Variants in WNT7B observed in about 807,000 individuals in gnomAD.
WNT7B encodes Wnt family member 7B.
WNT7B carries 19 observed loss-of-function variants against 38.2 expected under a neutral mutation model. That is an observed-to-expected ratio of 0.50 (90% confidence interval 0.35 to 0.73). The LOEUF is 0.73. Ranked by LOEUF, WNT7B falls within the 30% of genes least tolerant of loss-of-function variation. WNT7B has a pLI of 0.01. For missense variants in WNT7B, 423 were observed against 507.9 expected, an observed-to-expected ratio of 0.83 and a Z score of 1.61; for synonymous variants, 243 against 209.3, an observed-to-expected ratio of 1.16 and a Z score of -1.39.
intron 2 of WNT7B, 65 bp from the exon 3 acceptor site, chr22:45,931,434 A>C: frequency 1.6e-5 from 24 of 1,489,098 alleles, no homozygotes; most frequent in Non-Finnish European, 2.0e-5. Flanking sequence ...CTCAGGGGAC[A>C]GGGTGCCGGG....
intron 2 of WNT7B, among the ~76,000 whole-genome samples, chr22:45,943,034 C>T (rs10448587): frequency 0.23 from 33,850 of 149,508 alleles, 4,095 homozygotes; most frequent in Middle Eastern, 0.32. Flanking sequence ...TATGTGTGTG[C>T]GCGTGTGTGC....
chr22:45,925,358 G>A (rs556553418), intron 3 of WNT7B: 2 of 985,102 alleles, frequency 2.0e-6, no homozygotes, highest in East Asian at 1.1e-4. Flanking sequence ...GAGAGACTGG[G>A]GAGACTGGAG....
chr22:45,956,924 G>A (rs181752879), intron 1 of WNT7B, among the ~76,000 whole-genome samples: 21 of 152,124 alleles, frequency 1.4e-4, no homozygotes, highest in Non-Finnish European at 2.1e-4. Flanking sequence ...TGGCCAACAC[G>A]GTGAAGCCCC....
intron 2 of WNT7B, among the ~76,000 whole-genome samples, chr22:45,934,373 C>A (rs1005740397): frequency 4.6e-5 from 7 of 152,104 alleles, no homozygotes; most frequent in Non-Finnish European, 8.8e-5. Context: ...GGGGGAAAGG[C>A]GCAGCTGTAG....
chr22:45,961,500 G>C (rs1248451554), intron 1 of WNT7B, among the ~76,000 whole-genome samples: 1 of 152,070 alleles, frequency 6.6e-6, no homozygotes, highest in Non-Finnish European at 1.5e-5. Context: ...CCCCTGGCTG[G>C]TCCTTGCCAG....
At chr22:45,935,007 A>G (rs1451107337) in intron 2 of WNT7B, among the ~76,000 whole-genome samples, 1 of 152,128 alleles carries the variant, frequency 6.6e-6, no homozygotes, top group East Asian at 1.9e-4. Context: ...CCGTTACCCC[A>G]TGTTACAGAC....
chr22:45,954,145 G>C (rs189691429), intron 1 of WNT7B, among the ~76,000 whole-genome samples: 21 of 152,326 alleles, frequency 1.4e-4, no homozygotes, highest in African/African-American at 5.1e-4. Context: ...GTTACATGAA[G>C]GAAGCTAGAC....
At chr22:45,928,342 C>T (rs1435572133) in intron 3 of WNT7B, among the ~76,000 whole-genome samples, 1 of 152,224 alleles carries the variant, frequency 6.6e-6, no homozygotes, top group African/African-American at 2.4e-5. Flanking sequence ...GCCGTGATGC[C>T]ACCACCCTCG....
chr22:45,938,655 T>C (rs1601723871), intron 2 of WNT7B, among the ~76,000 whole-genome samples: 2 of 144,974 alleles, frequency 1.4e-5, no homozygotes, highest in African/African-American at 5.1e-5. Context: ...AAAAGAGAGG[T>C]ACAAATACAC....
intron 2 of WNT7B, among the ~76,000 whole-genome samples, chr22:45,939,923 AGAG>A (rs1931604748): frequency 6.6e-6 from 1 of 152,254 alleles, no homozygotes; most frequent in African/African-American, 2.4e-5. Context: ...TGAAATGCCC[AGAG>A]GAGCAGGAGT....
At chr22:45,934,721 C>A (rs76104782) in intron 2 of WNT7B, among the ~76,000 whole-genome samples, 1,913 of 152,342 alleles carry the variant, frequency 0.013, 20 homozygotes, top group Non-Finnish European at 0.021. Context: ...CCTGGCTATG[C>A]CTGCCCCAGG....
rs535938102 is a variant in WNT7B, at chr22:45,927,374, C to T, written c.570+3724G>A. ...AAGTGGGGGCAGGGCGGGGGCGGGC[C>T]TCCAGACTCTGCCCATCTCACTCTT... On this transcript the variant is annotated intron_variant, in intron 3 of 3. Coordinates refer to ENST00000339464, the MANE Select transcript of WNT7B (RefSeq NM_058238.3). 6,146 of 1,499,716 alleles carry T rather than the reference C, an allele frequency of 4.1e-3. 15 individuals carry two copies. Among genetic ancestry groups the T allele is most frequent in the Non-Finnish European group, 5.0e-3 (5,591 of 1,123,152 alleles). The allele number at this position is 1,499,716 out of a possible 1,614,324, so 92.9% of individuals were successfully genotyped here.
At chr22:45,937,589 C>A (rs960342959) in intron 2 of WNT7B, among the ~76,000 whole-genome samples, 12 of 151,468 alleles carry the variant, frequency 7.9e-5, no homozygotes, top group African/African-American at 2.9e-4. Context: ...GTGTCCCTGG[C>A]GTACACCTGG....
In WNT7B at chr22:45,929,699, T is replaced by C. The variant is rs184855709; in HGVS notation, c.570+1399A>G. Among the ~76,000 whole-genome samples the C allele has an allele frequency of 3.7e-4, 51 of 136,960 alleles. 1 individual carries two copies. The highest frequency in any genetic ancestry group is 1.4e-3 in the African/African-American group (51 of 36,810). The allele number at this position is 136,960 out of a possible 152,430, so 89.9% of individuals were successfully genotyped here. On this transcript the variant is annotated intron_variant, in intron 3 of 3. Coordinates refer to ENST00000339464, the MANE Select transcript of WNT7B (RefSeq NM_058238.3). Reference sequence around the variant, plus strand: ...TTCCCTCCATACTTCCATCCACCCATCTTTCCATCCACCCGTGAATCCACT... The same window carrying C: ...TTCCCTCCATACTTCCATCCACCCACCTTTCCATCCACCCGTGAATCCACT...
chr22:45,961,250 G>A (rs897197948), intron 1 of WNT7B, among the ~76,000 whole-genome samples: 17 of 152,286 alleles, frequency 1.1e-4, no homozygotes, highest in Admixed American at 6.5e-4. Context: ...GTGGAGGGGG[G>A]TGGGGCTTGG....
chr22:45,937,611 G>C lies in WNT7B; in HGVS notation c.299-6242C>G, dbSNP rs372710609. ...TGGCGTACACCTGGGCTGACCCTTG[G>C]AGGCAGTGCCCGCCAGCTGCCATGT... On this transcript the variant is annotated intron_variant, in intron 2 of 3. Coordinates refer to ENST00000339464, the MANE Select transcript of WNT7B (RefSeq NM_058238.3). Among the ~76,000 whole-genome samples, 88 of 152,350 alleles carry C rather than the reference G, an allele frequency of 5.8e-4. No homozygotes were observed. The East Asian group carries it at 0.013, about 23-fold the overall frequency.
chr22:45,932,993 G>A (rs1264534178), intron 2 of WNT7B, among the ~76,000 whole-genome samples: 1 of 152,224 alleles, frequency 6.6e-6, no homozygotes, highest in African/African-American at 2.4e-5. Flanking sequence ...CCAACGGCAT[G>A]CCCAGCTTTG....
chr22:45,931,426 C>G, intron 2 of WNT7B, 57 bp from the exon 3 acceptor site: 4 of 1,505,064 alleles, frequency 2.7e-6, no homozygotes, highest in South Asian at 2.6e-5. Context: ...CAGGTGGGCT[C>G]AGGGGACAGG....
rs770631367 is a variant in WNT7B at position 45,950,038 on chromosome 22, A to G, written c.180T>C (p.Ile60=). 2.5e-6 allele frequency: 4 copies of G among 1,613,964 alleles called. No individual in the cohort carries two copies. The South Asian group carries it at 4.4e-5, about 18-fold the overall frequency. The part of the protein sequence containing the change: ...AICQSRPDAI[I]VIGEGAQMGI... ...CCATCTGCGCCCCCTCCCCAATCAC[A>G]ATGATGGCATCGGGCCGACTCTGGC... The change falls in exon 2 of 4, where the codon ATT becomes ATC. Residue 60 remains isoleucine (I), a synonymous_variant. Transcript: ENST00000339464.
Sources: allele counts gnomAD v4.1 joint callset (sites outside exome capture counted in the v4.1 genomes callset), GRCh38; gene constraint gnomAD v4.1.1; transcripts MANE v1.5; gene names NCBI Gene and HGNC (gene_info 2026-07-23, HGNC 2026-07-21).